Variants in CD300LB observed in about 807,000 individuals in gnomAD.
CD300LB encodes the protein CD300 molecule like family member b.
Under a neutral mutation model 20.8 loss-of-function variants are expected in CD300LB, and 18 were observed. The ratio of observed to expected loss-of-function variants is 0.87; its 90% CI spans 0.60 to 1.28. CD300LB has a LOEUF of 1.28. Among genes scored for constraint, CD300LB ranks in the 50% most tolerant of loss-of-function variants. The pLI, the probability that CD300LB is intolerant of heterozygous loss-of-function variation, is 0.00. For missense variants in CD300LB, 222 were observed against 251.8 expected, an observed-to-expected ratio of 0.88 and a Z score of 0.80; for synonymous variants, 91 against 91.3, an observed-to-expected ratio of 1.00 and a Z score of 0.02.
chr17:74,530,790 G>C (rs1313186639), intron 1 of CD300LB, among the ~76,000 whole-genome samples: 1 of 150,186 alleles, frequency 6.7e-6, no homozygotes, highest in African/African-American at 2.4e-5. Flanking sequence ...CACCCACTAA[G>C]CCATCTGGAG....
At chr17:74,526,942 G>A (rs1354106202) in intron 1 of CD300LB, among the ~76,000 whole-genome samples, 1 of 152,118 alleles carries the variant, frequency 6.6e-6, no homozygotes, top group African/African-American at 2.4e-5. Context: ...CATGGAGGGA[G>A]TCTCTCCATT....
rs1907911938 is a variant in CD300LB, at chr17:74,522,506, C to T, written c.*232G>A. The T allele has an allele frequency of 2.3e-6, 3 of 1,305,514 alleles. No individual in the cohort carries two copies. In the East Asian group the frequency reaches 9.8e-5, roughly 42 times the overall value. The allele number at this position is 1,305,514 out of a possible 1,614,324, so 80.9% of individuals were successfully genotyped here. On this transcript the variant is annotated 3_prime_UTR_variant, in exon 4 of 4. Transcript: ENST00000392621. ...TGAGCTCCATCTCTACAGCTCCTGA[C>T]CAAGAGAACAGGTGCTGGCACCCCA...
At position 74,521,338 on chromosome 17, in the gene CD300LB, T is replaced by C; in HGVS notation, c.*1400A>G. The stretch of plus-strand genomic sequence containing the variant: ...GGAGCGGTGCCGTCCTCCCTGGGTC[T>C]GGTCGGATCTTCGGGAAGCTGGATC... On this transcript the variant is annotated 3_prime_UTR_variant, in exon 4 of 4. Transcript: ENST00000392621. 1.0e-6 allele frequency: 1 copy of C among 985,462 alleles called. No individual in the cohort carries two copies. Among genetic ancestry groups the C allele is most frequent in the South Asian group, 4.7e-5 (1 of 21,294 alleles). The allele number at this position is 985,462 out of a possible 1,614,324, so 61.0% of individuals were successfully genotyped here.
At chr17:74,530,339 C>A (rs144997008) in intron 1 of CD300LB, among the ~76,000 whole-genome samples, 1 of 152,314 alleles carries the variant, frequency 6.6e-6, no homozygotes, top group East Asian at 1.9e-4. Flanking sequence ...GATCATCTAG[C>A]CCTTCCCACT....
chr17:74,528,968 C>A (rs754052306), intron 1 of CD300LB, among the ~76,000 whole-genome samples: 8 of 151,904 alleles, frequency 5.3e-5, no homozygotes, highest in African/African-American at 7.3e-5. Context: ...CCTGTGTCTG[C>A]AAATGCAAAA....
chr17:74,521,456 G>C lies in CD300LB; in HGVS notation c.*1282C>G. 1.0e-6 allele frequency: 1 copy of C among 985,440 alleles called. No homozygotes were observed. Among genetic ancestry groups the C allele is most frequent in the Admixed American group, 6.1e-5 (1 of 16,292 alleles). 61.0% of individuals were successfully genotyped at this position (985,440 alleles called of 1,614,324 possible). A position where few individuals can be genotyped will look rare whatever the true frequency, so the allele number is the denominator to read the frequency against. The stretch of plus-strand genomic sequence containing the variant: ...GACTCAGGGGATCTTAGCCGGGCTC[G>C]AACTCTCCTCTCTGGCCATTATGGA... On this transcript the variant is annotated 3_prime_UTR_variant, in exon 4 of 4. Coordinates refer to ENST00000392621, the MANE Select transcript of CD300LB (RefSeq NM_174892.4).
chr17:74,524,082 G>A (rs1466536879), intron 2 of CD300LB, among the ~76,000 whole-genome samples: 1 of 152,160 alleles, frequency 6.6e-6, no homozygotes, highest in Non-Finnish European at 1.5e-5. Flanking sequence ...AAAAGGGAAA[G>A]GGGACTCCAG....
At chr17:74,523,738 T>C (rs1378038778) in intron 2 of CD300LB, 87 bp from the exon 3 acceptor site, 2 of 840,680 alleles carry the variant, frequency 2.4e-6, no homozygotes, top group African/African-American at 1.7e-5. Context: ...CTGCCAGCCC[T>C]CACCAGAAGA....
intron 2 of CD300LB, among the ~76,000 whole-genome samples, chr17:74,524,220 C>A (rs892225512): frequency 6.6e-6 from 1 of 152,242 alleles, no homozygotes; most frequent in Non-Finnish European, 1.5e-5. Context: ...GCCCTGAGCC[C>A]AGCCCAGCAC....
At chr17:74,528,634 G>GT (rs60203034) in intron 1 of CD300LB, among the ~76,000 whole-genome samples, 31,339 of 148,726 alleles carry the variant, frequency 0.21, 4,757 homozygotes, top group African/African-American at 0.42. Context: ...ATGCTCCTCA[G>GT]TTTTTTTTTT....
At chr17:74,524,952 C>T (rs1429258227) in intron 2 of CD300LB, among the ~76,000 whole-genome samples, 1 of 152,162 alleles carries the variant, frequency 6.6e-6, no homozygotes, top group East Asian at 1.9e-4. Context: ...GTCCATGTGC[C>T]TCTTTGGTCC....
At chr17:74,526,107 A>G in intron 1 of CD300LB, 30 bp from the exon 2 acceptor site, 3 of 1,585,764 alleles carry the variant, frequency 1.9e-6, no homozygotes, top group Non-Finnish European at 2.6e-6. Context: ...GATACAGCTC[A>G]TTGCACCGGC....
intron 1 of CD300LB, among the ~76,000 whole-genome samples, chr17:74,527,999 T>C (rs1908087006): frequency 6.6e-6 from 1 of 151,970 alleles, no homozygotes; most frequent in East Asian, 1.9e-4. Context: ...GAGAACCCTA[T>C]TGTGAACTTC....
intron 2 of CD300LB, among the ~76,000 whole-genome samples, chr17:74,524,279 A>G (rs1024854420): frequency 1.3e-5 from 2 of 152,190 alleles, no homozygotes; most frequent in African/African-American, 4.8e-5. Context: ...CCTCGGCCCC[A>G]GCAAATTTTT....
In CD300LB at chr17:74,522,277, A is replaced by C; in HGVS notation, c.*461T>G. 3 of 987,676 alleles carry C rather than the reference A, an allele frequency of 3.0e-6. No individual in the cohort carries two copies. Among genetic ancestry groups the C allele is most frequent in the African/African-American group, 3.5e-5 (2 of 57,340 alleles). 61.2% of individuals were successfully genotyped at this position (987,676 alleles called of 1,614,324 possible). On this transcript the variant is annotated 3_prime_UTR_variant, in exon 4 of 4. Coordinates refer to ENST00000392621, the MANE Select transcript of CD300LB (RefSeq NM_174892.4). Reference sequence around the variant, plus strand: ...ATCAGAGAGGTTTCCTATGAACATAAGTCATTAAAACCCAACTTTGCTAGA... The same window carrying C: ...ATCAGAGAGGTTTCCTATGAACATACGTCATTAAAACCCAACTTTGCTAGA...
intron 1 of CD300LB, among the ~76,000 whole-genome samples, chr17:74,527,010 C>A (rs1908055570): frequency 6.6e-6 from 1 of 152,226 alleles, no homozygotes; most frequent in South Asian, 2.1e-4. Context: ...ATTTGCAGCT[C>A]AGACTCCCCT....
rs1484656300 is a variant in CD300LB, at chr17:74,523,652, C to T, written c.371-1G>A. 1 of 1,611,210 alleles carries T rather than the reference C, an allele frequency of 6.2e-7. No homozygotes were observed. The highest frequency in any genetic ancestry group is 8.5e-7 in the Non-Finnish European group (1 of 1,177,328). On this transcript the variant is annotated splice_acceptor_variant, in intron 2 of 3. Coordinates refer to ENST00000392621, the MANE Select transcript of CD300LB (RefSeq NM_174892.4). LOFTEE classifies it high-confidence loss of function. ...CTTGCTGTTGTGGAAGCCGCTCCCTCTAGACACAGGCAAAGTCAGCCATGG... is the reference window on the plus strand; with the variant it reads ...CTTGCTGTTGTGGAAGCCGCTCCCTTTAGACACAGGCAAAGTCAGCCATGG...
chr17:74,523,472 TG>T, intron 3 of CD300LB, 106 bp downstream of exon 3: 1 of 804,294 alleles, frequency 1.2e-6, no homozygotes, highest in Non-Finnish European at 2.2e-6. Context: ...GCCTTGACTC[TG>T]GCTAGAACAG....
At chr17:74,523,046 G>T in intron 3 of CD300LB, 146 bp from the exon 4 acceptor site, 1 of 733,424 alleles carries the variant, frequency 1.4e-6, no homozygotes, top group Non-Finnish European at 2.2e-6. Context: ...CTCCTCCTTG[G>T]TTCAACCTCA....
Sources: gnomAD v4.1 joint callset for allele counts (sites outside exome capture counted in the v4.1 genomes callset) on GRCh38, gnomAD v4.1.1 for gene constraint, MANE v1.5 for transcripts, NCBI Gene and HGNC (gene_info 2026-07-23, HGNC 2026-07-21) for gene names.